Variants in SOX5 observed in about 807,000 individuals in gnomAD.
SOX5 encodes transcription factor SOX-5.
In SOX5, 9 loss-of-function variants were observed where a neutral mutation model predicts 92.0. The observed-to-expected ratio is 0.10, with a 90% confidence interval of 0.06 to 0.17. The LOEUF (loss-of-function observed/expected upper bound fraction) is 0.17, where lower values mean the gene tolerates loss of function less well. Ranked by LOEUF, SOX5 falls within the 10% of genes least tolerant of loss-of-function variation. The probability of loss-of-function intolerance (pLI) is 1.00; values close to 1 mark genes in which losing one functional copy is unlikely to be tolerated. For missense variants in SOX5, 642 were observed against 944.5 expected (o/e 0.68, Z 4.20); for synonymous variants, 344 against 336.3 (o/e 1.02, Z -0.25).
At chr12:23,535,146 G>A (rs1940049499) in intron 14 of SOX5, among the ~76,000 whole-genome samples, 2 of 152,142 alleles carry the variant, frequency 1.3e-5, no homozygotes, top group Admixed American at 1.3e-4. Flanking sequence ...AAGAACCCAG[G>A]TCCTTGATTC....
intron 7 of SOX5, among the ~76,000 whole-genome samples, chr12:23,656,701 ATAT>A (rs1388315408): frequency 6.6e-6 from 1 of 151,986 alleles, no homozygotes. Flanking sequence ...TATATGTATC[ATAT>A]TATGCATATT....
chr12:24,351,368 G>T (rs1016981666), intron 2 of SOX5, among the ~76,000 whole-genome samples: 1 of 152,018 alleles, frequency 6.6e-6, no homozygotes, highest in South Asian at 2.1e-4. Flanking sequence ...GTAAATTATC[G>T]AATATCTCTA....
At chr12:23,867,987 T>C (rs908505224) in intron 2 of SOX5, among the ~76,000 whole-genome samples, 1 of 151,916 alleles carries the variant, frequency 6.6e-6, no homozygotes, top group African/African-American at 2.4e-5. Flanking sequence ...ACAAAAATCA[T>C]AACTACCTTT....
intron 2 of SOX5, among the ~76,000 whole-genome samples, chr12:24,301,215 A>G (rs1465584633): frequency 6.6e-6 from 1 of 152,212 alleles, no homozygotes; most frequent in East Asian, 1.9e-4. Context: ...AGTTATTGAA[A>G]GTGTTCCAAT....
At chr12:23,616,775 A>C (rs2076605198) in intron 8 of SOX5, among the ~76,000 whole-genome samples, 1 of 152,076 alleles carries the variant, frequency 6.6e-6, no homozygotes, top group South Asian at 2.1e-4. Flanking sequence ...AAGCAAGAAA[A>C]TGACTTGAGT....
At chr12:23,842,425 T>C (rs1202771185) in intron 3 of SOX5, among the ~76,000 whole-genome samples, 3 of 152,142 alleles carry the variant, frequency 2.0e-5, no homozygotes, top group African/African-American at 7.2e-5. Context: ...TATAGATATA[T>C]ACATATATAG....
At chr12:24,450,505 T>G (rs76698681) in intron 1 of SOX5, among the ~76,000 whole-genome samples, 35,277 of 150,826 alleles carry the variant, frequency 0.23, 4,945 homozygotes, top group East Asian at 0.67. Flanking sequence ...TTTATTTATT[T>G]ATTTATTGAG....
intron 2 of SOX5, among the ~76,000 whole-genome samples, chr12:23,869,446 A>G (rs967440541): frequency 6.6e-6 from 1 of 152,038 alleles, no homozygotes; most frequent in African/African-American, 2.4e-5. Context: ...CTTTGCTTAA[A>G]TATCTTAGTT....
At chr12:23,642,195 A>G (rs1437456506) in intron 7 of SOX5, among the ~76,000 whole-genome samples, 1 of 152,136 alleles carries the variant, frequency 6.6e-6, no homozygotes, top group Non-Finnish European at 1.5e-5. Flanking sequence ...CTGAGCATAT[A>G]AAATTTTTGC....
intron 1 of SOX5, among the ~76,000 whole-genome samples, chr12:24,535,358 T>C (rs1254272187): frequency 6.6e-6 from 1 of 152,198 alleles, no homozygotes; most frequent in African/African-American, 2.4e-5. Context: ...CAAATACTCC[T>C]GGGTATAGCT....
chr12:24,196,437 C>T (rs1957019815), intron 4 of SOX5, among the ~76,000 whole-genome samples: 1 of 152,120 alleles, frequency 6.6e-6, no homozygotes, highest in South Asian at 2.1e-4. Context: ...ACTCTATGGA[C>T]AGGTCTTGTA....
Position 24,108,962 on chromosome 12 carries a change from T to C in SOX5, c.-2+104381A>G, listed in dbSNP as rs563275590. On this transcript the variant is annotated intron_variant, in intron 4 of 4. Transcript: ENST00000446891. ...TACTTAAAGATGGTTTCTAGCTCTTTGTAGCTAGCAATATTTGAAGTTTTT... is the reference window on the plus strand; with the variant it reads ...TACTTAAAGATGGTTTCTAGCTCTTCGTAGCTAGCAATATTTGAAGTTTTT... 2.2e-4 allele frequency among the ~76,000 whole-genome samples: 34 copies of C among 152,298 alleles called. No homozygotes were observed. In the South Asian group the frequency reaches 7.0e-3, roughly 32 times the overall value.
chr12:23,598,016 T>C (rs1260324760), intron 9 of SOX5, among the ~76,000 whole-genome samples: 1 of 152,174 alleles, frequency 6.6e-6, no homozygotes, highest in African/African-American at 2.4e-5. Context: ...GATGCTGATA[T>C]GTAGAGATAA....
At chr12:23,762,412 A>C (rs1394057548) in intron 3 of SOX5, 2 of 380,378 alleles carry the variant, frequency 5.3e-6, no homozygotes, top group African/African-American at 4.2e-5. Context: ...CCCCCCTCTA[A>C]AAAATTCGTA....
chr12:24,061,575 GA>G (rs955039441), intron 4 of SOX5, among the ~76,000 whole-genome samples: 3 of 151,974 alleles, frequency 2.0e-5, no homozygotes, highest in African/African-American at 7.3e-5. Flanking sequence ...AAGTACCAAT[GA>G]TAACGTTTGC....
At chr12:23,591,141 C>T (rs1592348513) in intron 9 of SOX5, among the ~76,000 whole-genome samples, 1 of 151,796 alleles carries the variant, frequency 6.6e-6, no homozygotes, top group African/African-American at 2.4e-5. Flanking sequence ...CAAAAGTTCA[C>T]CTTAACAATA....
In SOX5 at chr12:23,992,977, C is replaced by G. The variant is rs975509491; in HGVS notation, c.-1-96953G>C. Among the ~76,000 whole-genome samples, 18 of 152,162 alleles carry G rather than the reference C, an allele frequency of 1.2e-4. 1 individual carries two copies. Among genetic ancestry groups the G allele is most frequent in the Non-Finnish European group, 2.4e-4 (16 of 68,028 alleles). On this transcript the variant is annotated intron_variant, in intron 4 of 4. Coordinates refer to the SOX5 transcript ENST00000446891. Reference sequence around the variant, plus strand: ...AAAATAATTATAGTATGTGACTTCTCCTTCTGGTCTTCTCTGTCCCCTTCT... The same window carrying G: ...AAAATAATTATAGTATGTGACTTCTGCTTCTGGTCTTCTCTGTCCCCTTCT...
intron 3 of SOX5, among the ~76,000 whole-genome samples, chr12:24,252,067 A>T (rs1940186821): frequency 6.6e-6 from 1 of 152,176 alleles, no homozygotes; most frequent in African/African-American, 2.4e-5. Flanking sequence ...TGCCAACATT[A>T]CCAAATGAAC....
At chr12:23,673,710 T>A (rs2085175019) in intron 6 of SOX5, among the ~76,000 whole-genome samples, 1 of 150,352 alleles carries the variant, frequency 6.7e-6, no homozygotes, top group Non-Finnish European at 1.5e-5. Context: ...TTATGTTGAA[T>A]TTCAGTTCAA....
Sources: allele counts gnomAD v4.1 joint callset (sites outside exome capture counted in the v4.1 genomes callset), GRCh38; gene constraint gnomAD v4.1.1; transcripts MANE v1.5; gene names NCBI Gene and HGNC (gene_info 2026-07-23, HGNC 2026-07-21).